The following DPY19L1 variants were observed in gnomAD, a reference collection of about 807,000 sequenced individuals.
DPY19L1 encodes dpy-19 like C-mannosyltransferase 1, also known as protein C-mannosyl-transferase DPY19L1.
DPY19L1 carries 35 observed loss-of-function variants against 96.9 expected under a neutral mutation model. The observed-to-expected ratio is 0.36, with a 90% CI of 0.28 to 0.48. The LOEUF is 0.48. DPY19L1 is among the 20% of genes least tolerant of loss of function. DPY19L1 has a pLI of 0.99. For synonymous variants in DPY19L1, 205 were observed against 252.6 expected (o/e 0.81, Z 1.79); for missense variants, 521 against 777.9 (o/e 0.67, Z 3.93).
chr7:34,975,799 A>C (rs1784818642), intron 7 of DPY19L1, among the ~76,000 whole-genome samples: 1 of 152,158 alleles, frequency 6.6e-6, no homozygotes, highest in Admixed American at 6.5e-5. Context: ...TACACTAAAT[A>C]TACTCTGCAC....
chr7:34,968,986 T>A (rs1784669427), intron 9 of DPY19L1, among the ~76,000 whole-genome samples: 2 of 152,054 alleles, frequency 1.3e-5, no homozygotes, highest in South Asian at 4.2e-4. Flanking sequence ...GATGAACTGG[T>A]TAGCTATTTA....
chr7:34,960,605 G>C (rs1649232), intron 10 of DPY19L1, among the ~76,000 whole-genome samples: 40,072 of 151,918 alleles, frequency 0.26, 5,508 homozygotes, highest in Non-Finnish European at 0.31. Context: ...TCAGTCAATT[G>C]TATTAGCTGA....
rs780892182 is a variant in DPY19L1, at chr7:34,930,917, G to A, written c.*656C>T. ...GCAAGAGAGAGAGAGAAAGAGACAC[G>A]ATAATGCCATATGGCTGGAAGTTAA... On this transcript the variant is annotated 3_prime_UTR_variant, in exon 22 of 22. Transcript: ENST00000638088. 3 of 152,098 alleles carry A rather than the reference G, an allele frequency of 2.0e-5. No individual in the cohort carries two copies. The highest frequency in any genetic ancestry group is 4.4e-5 in the Non-Finnish European group (3 of 68,024). 9.4% of individuals were successfully genotyped at this position (152,098 alleles called of 1,614,324 possible). A position where few individuals can be genotyped will look rare whatever the true frequency, so the allele number is the denominator to read the frequency against.
chr7:34,955,948 C>T (rs186313450), intron 11 of DPY19L1, among the ~76,000 whole-genome samples: 2 of 125,754 alleles, frequency 1.6e-5, no homozygotes, highest in Admixed American at 8.6e-5. Context: ...AAATGTGATA[C>T]AATTCAGGTT....
intron 4 of DPY19L1, among the ~76,000 whole-genome samples, chr7:35,012,238 C>T (rs546716981): frequency 6.6e-6 from 1 of 152,336 alleles, no homozygotes; most frequent in South Asian, 2.1e-4. Flanking sequence ...TCTGCAAAGC[C>T]ATCCCAGATC....
upstream of DPY19L1, chr7:35,037,804 C>T (rs192601184): frequency 2.5e-3 from 2,994 of 1,220,740 alleles, 71 homozygotes; most frequent in African/African-American, 0.043. Context: ...CCTCTGGCGC[C>T]CGGCTACCCA....
At chr7:34,959,373 C>A (rs1784444078) in intron 10 of DPY19L1, among the ~76,000 whole-genome samples, 1 of 152,102 alleles carries the variant, frequency 6.6e-6, no homozygotes, top group Admixed American at 6.5e-5. Flanking sequence ...GGTACATACT[C>A]AAAGGATTAT....
At position 35,013,574 on chromosome 7, in the gene DPY19L1, G is replaced by A; in HGVS notation, c.543C>T (p.Tyr181=). Residue 181 remains tyrosine, a synonymous_variant, in exon 4 of 22, where the codon TAC becomes TAT. Coordinates refer to ENST00000638088, the MANE Select transcript of DPY19L1 (RefSeq NM_001366673.1). ...VINTLKRFNL[Y]PEVILASWYR... ...ATTGGAAAAAGTACCTTACCTCAGG[G>A]TAAAGATTGAATCTTTTTAATGTAT... 6.2e-7 allele frequency: 1 copy of A among 1,608,268 alleles called. No individual in the cohort carries two copies. The highest frequency in any genetic ancestry group is 8.5e-7 in the Non-Finnish European group (1 of 1,177,720).
chr7:35,013,114 T>A (rs1178413415), intron 4 of DPY19L1, among the ~76,000 whole-genome samples: 1 of 152,172 alleles, frequency 6.6e-6, no homozygotes, highest in African/African-American at 2.4e-5. Flanking sequence ...ATATATTCTA[T>A]TGAACTAGAG....
intron 6 of DPY19L1, among the ~76,000 whole-genome samples, chr7:34,998,420 T>G (rs1394023557): frequency 1.3e-5 from 2 of 152,138 alleles, no homozygotes; most frequent in East Asian, 3.9e-4. Flanking sequence ...AGCGACCTCA[T>G]CGCCAGAGAG....
intron 6 of DPY19L1, among the ~76,000 whole-genome samples, chr7:34,992,882 C>G (rs913337805): frequency 6.6e-6 from 1 of 152,084 alleles, no homozygotes; most frequent in African/African-American, 2.4e-5. Flanking sequence ...TGACTATGTG[C>G]CAACCTGTAT....
chr7:34,965,976 T>C lies in DPY19L1; in HGVS notation c.1092+918A>G, dbSNP rs1432049460. Among the ~76,000 whole-genome samples the C allele has an allele frequency of 3.9e-5, 6 of 152,198 alleles. No homozygotes were observed. In the East Asian group the frequency reaches 1.2e-3, roughly 29 times the overall value. On this transcript the variant is annotated intron_variant, in intron 10 of 21. Transcript: ENST00000638088. Reference sequence around the variant, plus strand: ...TTGATTTTTCCATTCTCCTACCCCCTGATCTTGGTGCTCCTGATCTGCCTT... The same window carrying C: ...TTGATTTTTCCATTCTCCTACCCCCCGATCTTGGTGCTCCTGATCTGCCTT...
Position 35,013,689 on chromosome 7 carries a change from T to C in DPY19L1, c.428A>G (p.Tyr143Cys). 2.5e-6 allele frequency: 4 copies of C among 1,602,238 alleles called. No individual in the cohort carries two copies. The highest frequency in any genetic ancestry group is 3.4e-6 in the Non-Finnish European group (4 of 1,171,742). Reference sequence around the variant, plus strand: ...GGGTGCTTCCACAATAGTCTTGAAATAGGAATAATATAGTCCCTGAAATAA... The same window carrying C: ...GGGTGCTTCCACAATAGTCTTGAAACAGGAATAATATAGTCCCTGAAATAA... ...FRTEMGLYYS[Y>C]FKTIVEAPSF... The change falls in exon 4 of 22, where the codon TAT becomes TGT. Residue 143 changes from tyrosine (Y) to cysteine (C), a missense_variant. Transcript: ENST00000638088.
intron 8 of DPY19L1, 86 bp downstream of exon 8, chr7:34,973,428 T>G (rs1784768597): frequency 1.1e-5 from 8 of 741,808 alleles, no homozygotes; most frequent in Non-Finnish European, 1.3e-5. Context: ...TTAATTATTT[T>G]ATTATGTTCA....
chr7:34,942,469 T>C, intron 17 of DPY19L1, 146 bp downstream of exon 17: 5 of 690,772 alleles, frequency 7.2e-6, no homozygotes. Context: ...AATCTGCATA[T>C]AGCATTCTCA....
intron 1 of DPY19L1, among the ~76,000 whole-genome samples, chr7:35,024,087 C>A (rs1266585219): frequency 6.6e-6 from 1 of 152,110 alleles, no homozygotes; most frequent in Non-Finnish European, 1.5e-5. Context: ...CCCCCCGCCT[C>A]AGCCTCCCAA....
intron 6 of DPY19L1, among the ~76,000 whole-genome samples, chr7:34,995,078 G>T (rs578170392): frequency 2.4e-4 from 37 of 152,248 alleles, no homozygotes; most frequent in African/African-American, 8.9e-4. Context: ...AAAGCTAGAG[G>T]AGGAGAATAA....
At chr7:34,933,930 TACTCCTTAATAA>T (rs1783810789) in intron 21 of DPY19L1, among the ~76,000 whole-genome samples, 1 of 152,182 alleles carries the variant, frequency 6.6e-6, no homozygotes, top group Non-Finnish European at 1.5e-5. Context: ...TGTGAGTCAG[TACTCCTTAATAA>T]ACTCCATTTC....
At chr7:34,944,847 T>G (rs973956802) in intron 16 of DPY19L1, among the ~76,000 whole-genome samples, 3 of 152,212 alleles carry the variant, frequency 2.0e-5, no homozygotes, top group African/African-American at 7.2e-5. Context: ...TGTTTTACTG[T>G]GTATTGCCAA....
Sources: allele counts gnomAD v4.1 joint callset (sites outside exome capture counted in the v4.1 genomes callset), GRCh38; gene constraint gnomAD v4.1.1; transcripts MANE v1.5; gene names NCBI Gene and HGNC (gene_info 2026-07-23, HGNC 2026-07-21).